The following ARHGAP19 variants were observed in gnomAD, a reference collection of about 807,000 sequenced individuals.
ARHGAP19 encodes Rho GTPase activating protein 19.
Under a neutral mutation model 60.9 loss-of-function variants are expected in ARHGAP19, and 48 were observed. The observed-to-expected ratio is 0.79, with a 90% CI of 0.62 to 1.00. ARHGAP19 has a LOEUF of 1.00. ARHGAP19 is among the 50% of genes least tolerant of loss of function. The pLI, the probability that ARHGAP19 is intolerant of heterozygous loss-of-function variation, is 0.00. For missense variants in ARHGAP19, 562 were observed against 597.2 expected (o/e 0.94, Z 0.61); for synonymous variants, 209 against 215.5 (o/e 0.97, Z 0.27).
intron 6 of ARHGAP19, among the ~76,000 whole-genome samples, chr10:97,249,857 G>A (rs1184721567): frequency 6.7e-6 from 1 of 149,196 alleles, no homozygotes. Context: ...GGAGTGCAGT[G>A]GCATAATCTC....
chr10:97,229,017 A>G lies in ARHGAP19; in HGVS notation c.1474+130T>C, dbSNP rs942348984. The stretch of plus-strand genomic sequence containing the variant: ...CTGGTGAATGAACTCAAGGGCAAGG[A>G]CCTGGCCTTGTAATTTTTATGTCAC... On this transcript the variant is annotated intron_variant, in intron 11 of 11. Coordinates refer to ENST00000358531, the MANE Select transcript of ARHGAP19 (RefSeq NM_032900.6). 4.6e-6 allele frequency: 4 copies of G among 866,000 alleles called. No individual in the cohort carries two copies. The Admixed American group carries it at 5.8e-5, about 13-fold the overall frequency. 53.6% of individuals were successfully genotyped at this position (866,000 alleles called of 1,614,324 possible).
chr10:97,252,680 AGGGAACTCTTATACACTGTTGGT>A (rs1211846352), intron 6 of ARHGAP19, among the ~76,000 whole-genome samples: 2 of 152,140 alleles, frequency 1.3e-5, no homozygotes, highest in African/African-American at 4.8e-5. Context: ...TGTGAAGAAA[AGGGAACTCTTATACACTGTTGGT>A]GGGAATGCAA....
chr10:97,256,518 T>A, intron 5 of ARHGAP19, 114 bp from the exon 6 acceptor site: 2 of 717,412 alleles, frequency 2.8e-6, no homozygotes, highest in Non-Finnish European at 4.8e-6. Context: ...TAGGTGCCTC[T>A]AATACAATGT....
At chr10:97,252,253 G>C (rs1842693896) in intron 6 of ARHGAP19, among the ~76,000 whole-genome samples, 1 of 151,894 alleles carries the variant, frequency 6.6e-6, no homozygotes, top group African/African-American at 2.4e-5. Flanking sequence ...TGAAGTAGGA[G>C]GATCACTTGA....
At chr10:97,277,870 T>C (rs1843039429) in intron 1 of ARHGAP19, 1 of 152,208 alleles carries the variant, frequency 6.6e-6, no homozygotes. Context: ...GAGTTCACAA[T>C]GACTTTTTAT....
chr10:97,262,894 T>C (rs1430356007), intron 4 of ARHGAP19, among the ~76,000 whole-genome samples: 1 of 152,212 alleles, frequency 6.6e-6, no homozygotes, highest in African/African-American at 2.4e-5. Flanking sequence ...GGTGGGCAGA[T>C]GGCTTTGGCC....
chr10:97,274,464 T>TAA (rs60869967), intron 1 of ARHGAP19, among the ~76,000 whole-genome samples: 177 of 142,422 alleles, frequency 1.2e-3, no homozygotes, highest in African/African-American at 4.2e-3. Context: ...GACTCCATCT[T>TAA]AAAAAAAAAA....
Position 97,281,680 on chromosome 10 carries a change from C to T in ARHGAP19, c.56+10892G>A, listed in dbSNP as rs1428086733. Among the ~76,000 whole-genome samples, 10 of 152,240 alleles carry T rather than the reference C, an allele frequency of 6.6e-5. No individual in the cohort carries two copies. In the East Asian group the frequency reaches 9.6e-4, roughly 15 times the overall value. On this transcript the variant is annotated intron_variant, in intron 1 of 11. Coordinates refer to ENST00000358531, the MANE Select transcript of ARHGAP19 (RefSeq NM_032900.6). ...GGAACTGAAAATTCACTAAGTGCTA[C>T]GCGATTTCAAATAGTAGCTAAAGAC...
rs1842905857 is a variant in ARHGAP19, at chr10:97,266,922, C to T, written c.57-797G>A. ...AATGAGATTTGGGTGGGGACACAGC[C>T]AAACCATATCATTCTGCCCCGGCCC... On this transcript the variant is annotated intron_variant, in intron 1 of 11. Coordinates refer to ENST00000358531, the MANE Select transcript of ARHGAP19 (RefSeq NM_032900.6). 2.6e-5 allele frequency among the ~76,000 whole-genome samples: 4 copies of T among 152,240 alleles called. No individual in the cohort carries two copies. In the South Asian group the frequency reaches 8.3e-4, roughly 32 times the overall value.
chr10:97,242,777 G>A (rs1238876122), intron 8 of ARHGAP19, among the ~76,000 whole-genome samples: 1 of 151,998 alleles, frequency 6.6e-6, no homozygotes, highest in Non-Finnish European at 1.5e-5. Flanking sequence ...TCCTCCCAAA[G>A]TGCTGGGATT....
intron 1 of ARHGAP19, among the ~76,000 whole-genome samples, chr10:97,282,821 C>CTTTTTT (rs201448982): frequency 0.027 from 4,029 of 148,162 alleles, 175 homozygotes; most frequent in African/African-American, 0.09. Context: ...GTTTAAAGTA[C>CTTTTTT]TATGTAGTTT....
In ARHGAP19 at chr10:97,247,088, G is replaced by T. The variant is rs140339024; in HGVS notation, c.928-751C>A. On this transcript the variant is annotated intron_variant, in intron 6 of 11. Transcript: ENST00000358531. ...GGAGACAGAGGTTGCAGTGTGCCAAGATCACACCATTGCACTCCAGCCTGG... is the reference window on the plus strand; with the variant it reads ...GGAGACAGAGGTTGCAGTGTGCCAATATCACACCATTGCACTCCAGCCTGG... 2.5e-3 allele frequency among the ~76,000 whole-genome samples: 379 copies of T among 151,140 alleles called. 2 individuals are homozygous for T. The highest frequency in any genetic ancestry group is 9.0e-3 in the African/African-American group (369 of 41,132).
At chr10:97,286,978 C>G (rs1564730658) in intron 1 of ARHGAP19, among the ~76,000 whole-genome samples, 1 of 152,068 alleles carries the variant, frequency 6.6e-6, no homozygotes, top group African/African-American at 2.4e-5. Flanking sequence ...TACAGGGTCT[C>G]ACTCTATCAC....
At chr10:97,279,029 T>C (rs902717257) in intron 1 of ARHGAP19, among the ~76,000 whole-genome samples, 2 of 152,224 alleles carry the variant, frequency 1.3e-5, no homozygotes, top group African/African-American at 4.8e-5. Flanking sequence ...TCTCTCTTAC[T>C]GCTTTTTCAA....
At chr10:97,229,367 A>G (rs1162878169) in intron 10 of ARHGAP19, 142 bp from the exon 11 acceptor site, 4 of 721,294 alleles carry the variant, frequency 5.5e-6, no homozygotes, top group East Asian at 5.4e-5. Flanking sequence ...ATTAATCTTA[A>G]CTGATTTACT....
chr10:97,260,752 T>C (rs184590304), intron 4 of ARHGAP19, among the ~76,000 whole-genome samples: 10 of 152,004 alleles, frequency 6.6e-5, no homozygotes, highest in Admixed American at 6.6e-4. Flanking sequence ...ATGAGAGTTA[T>C]CATTTGACCA....
chr10:97,287,546 C>T (rs1484621679), intron 1 of ARHGAP19, among the ~76,000 whole-genome samples: 1 of 151,542 alleles, frequency 6.6e-6, no homozygotes, highest in East Asian at 2.0e-4. Flanking sequence ...GTTTGAGGCC[C>T]ACCTGGGCAA....
intron 1 of ARHGAP19, among the ~76,000 whole-genome samples, chr10:97,270,114 C>T (rs1842943326): frequency 6.6e-6 from 1 of 151,956 alleles, no homozygotes; most frequent in Non-Finnish European, 1.5e-5. Context: ...AAAAAAGATA[C>T]CTTGGATCTC....
intron 1 of ARHGAP19, among the ~76,000 whole-genome samples, chr10:97,290,493 G>A (rs997011715): frequency 6.6e-6 from 1 of 151,990 alleles, no homozygotes; most frequent in African/African-American, 2.4e-5. Context: ...TCACCCCATG[G>A]CCCAAGATTC....
Sources: allele counts gnomAD v4.1 joint callset (sites outside exome capture counted in the v4.1 genomes callset), GRCh38; gene constraint gnomAD v4.1.1; transcripts MANE v1.5; gene names NCBI Gene and HGNC (gene_info 2026-07-23, HGNC 2026-07-21).